The following IL1RAPL1 variants were observed in gnomAD, a reference collection of about 807,000 sequenced individuals.
IL1RAPL1 encodes interleukin-1 receptor accessory protein-like 1.
In IL1RAPL1, 3 loss-of-function variants were observed where a neutral mutation model predicts 48.4. The observed-to-expected ratio is 0.06, with a 90% CI of 0.03 to 0.16. IL1RAPL1 has a LOEUF of 0.16. IL1RAPL1 is among the 10% of genes least tolerant of loss of function. The probability of loss-of-function intolerance (pLI) is 1.00; values close to 1 mark genes in which losing one functional copy is unlikely to be tolerated. For synonymous variants in IL1RAPL1, 185 were observed against 187.7 expected (o/e 0.99, Z 0.12); for missense variants, 349 against 530.6 (o/e 0.66, Z 3.36).
At chrX:28,628,367 A>C (rs1487262603) in intron 1 of IL1RAPL1, among the ~76,000 whole-genome samples, 1 of 112,239 alleles carries the variant, frequency 8.9e-6, no homozygotes, top group Non-Finnish European at 1.9e-5. Flanking sequence ...GTGTGTGGAC[A>C]CAGGGAGGGG....
chrX:29,543,954 C>CA (rs1384094103), intron 5 of IL1RAPL1, among the ~76,000 whole-genome samples: 1 of 111,230 alleles, frequency 9.0e-6, no homozygotes, highest in Non-Finnish European at 1.9e-5. Flanking sequence ...AAATCCACAC[C>CA]AAAAAAAGAT....
At chrX:28,734,075 T>C (rs1468168473) in intron 1 of IL1RAPL1, among the ~76,000 whole-genome samples, 1 of 111,410 alleles carries the variant, frequency 9.0e-6, no homozygotes, top group Non-Finnish European at 1.9e-5. Context: ...GGCTTGACCT[T>C]CACAAGAGAT....
intron 6 of IL1RAPL1, among the ~76,000 whole-genome samples, chrX:29,841,559 G>A (rs2147193699): frequency 9.0e-6 from 1 of 111,567 alleles, no homozygotes; most frequent in East Asian, 2.8e-4. Context: ...CATTCATTGA[G>A]CAACTATTTA....
intron 2 of IL1RAPL1, among the ~76,000 whole-genome samples, chrX:29,218,199 G>A (rs895228606): frequency 5.4e-5 from 6 of 111,759 alleles, no homozygotes; most frequent in Non-Finnish European, 1.1e-4. Flanking sequence ...GCTTTGGTAT[G>A]ATAAGTTTTT....
chrX:28,772,075 G>A (rs1936316368), intron 1 of IL1RAPL1, among the ~76,000 whole-genome samples: 1 of 111,113 alleles, frequency 9.0e-6, no homozygotes, highest in African/African-American at 3.3e-5. Context: ...TGACAACTAT[G>A]GATTAAGAGC....
intron 5 of IL1RAPL1, among the ~76,000 whole-genome samples, chrX:29,442,125 A>G (rs1261086562): frequency 4.5e-5 from 5 of 112,129 alleles, no homozygotes; most frequent in Non-Finnish European, 1.9e-5. Context: ...AAAAAGAACA[A>G]ATCTGGAGGC....
chrX:29,728,424 T>C (rs5927155), intron 6 of IL1RAPL1, among the ~76,000 whole-genome samples: 43,282 of 110,701 alleles, frequency 0.39, 6,071 homozygotes, highest in Admixed American at 0.5. Flanking sequence ...ACTGCAAAAA[T>C]ATTAGTGTGT....
intron 1 of IL1RAPL1, among the ~76,000 whole-genome samples, chrX:28,623,382 G>A (rs747256410): frequency 5.4e-5 from 6 of 111,489 alleles, no homozygotes; most frequent in Non-Finnish European, 1.1e-4. Flanking sequence ...CAAACTCAGG[G>A]AATTTATCGC....
intron 2 of IL1RAPL1, among the ~76,000 whole-genome samples, chrX:29,153,563 C>T (rs1356639622): frequency 8.9e-6 from 1 of 112,070 alleles, no homozygotes; most frequent in Admixed American, 9.5e-5. Context: ...ATGTATATTT[C>T]GTTTTGAAAT....
intron 6 of IL1RAPL1, among the ~76,000 whole-genome samples, chrX:29,809,007 T>C (rs1297826501): frequency 9.0e-6 from 1 of 110,994 alleles, no homozygotes; most frequent in Admixed American, 9.7e-5. Context: ...TCTTTGCTTT[T>C]CAACTGGAAC....
intron 5 of IL1RAPL1, among the ~76,000 whole-genome samples, chrX:29,428,438 A>G (rs1209787340): frequency 9.0e-6 from 1 of 111,418 alleles, no homozygotes; most frequent in African/African-American, 3.3e-5. Context: ...TATGGCTTTC[A>G]TCTGTTGCTG....
At chrX:29,213,709 G>C (rs760207320) in intron 2 of IL1RAPL1, among the ~76,000 whole-genome samples, 3 of 112,427 alleles carry the variant, frequency 2.7e-5, no homozygotes, top group African/African-American at 9.7e-5. Flanking sequence ...TCTTCTGGAG[G>C]CTGTCCTTCC....
At chrX:29,897,096 T>C (rs959932303) in intron 6 of IL1RAPL1, among the ~76,000 whole-genome samples, 3 of 112,217 alleles carry the variant, frequency 2.7e-5, no homozygotes, top group African/African-American at 9.7e-5. Flanking sequence ...TCATTGTGCT[T>C]CATGAAGGTC....
intron 5 of IL1RAPL1, among the ~76,000 whole-genome samples, chrX:29,529,355 G>T (rs1005366273): frequency 1.9e-4 from 21 of 110,871 alleles, no homozygotes; most frequent in African/African-American, 6.5e-4. Flanking sequence ...GCACTTTGGG[G>T]GTCTGAGGTG....
chrX:29,333,090 T>C (rs1448642762), intron 3 of IL1RAPL1, among the ~76,000 whole-genome samples: 1 of 111,750 alleles, frequency 8.9e-6, no homozygotes, highest in Non-Finnish European at 1.9e-5. Flanking sequence ...TCAATTTTTT[T>C]CCCCACCCTT....
chrX:29,955,057 A>T lies in IL1RAPL1; in HGVS notation c.1373-45A>T, dbSNP rs750598039. The T allele has an allele frequency of 3.6e-6, 4 of 1,096,026 alleles. No individual in the cohort carries two copies. In the South Asian group the frequency reaches 7.3e-5, roughly 20 times the overall value. The allele number at this position is 1,096,026 out of a possible 1,213,427, so 90.3% of individuals were successfully genotyped here. On this transcript the variant is annotated intron_variant, in intron 10 of 10. Coordinates refer to ENST00000378993, the MANE Select transcript of IL1RAPL1 (RefSeq NM_014271.4). Reference sequence around the variant, plus strand: ...GAATCTACTAGGACTTTCTGGACCAAATTTTCCATTCACTCATTTTGATGC... The same window carrying T: ...GAATCTACTAGGACTTTCTGGACCATATTTTCCATTCACTCATTTTGATGC...
chrX:29,333,356 G>A (rs1276596455), intron 3 of IL1RAPL1, among the ~76,000 whole-genome samples: 1 of 107,956 alleles, frequency 9.3e-6, no homozygotes, highest in African/African-American at 3.4e-5. Context: ...GGGGCGGCCG[G>A]GCAGAGGCGC....
At chrX:28,990,478 A>G (rs1925577593) in intron 2 of IL1RAPL1, among the ~76,000 whole-genome samples, 1 of 112,125 alleles carries the variant, frequency 8.9e-6, no homozygotes, top group African/African-American at 3.2e-5. Context: ...TTTCAGTGAA[A>G]CAGACAAGTA....
intron 1 of IL1RAPL1, among the ~76,000 whole-genome samples, chrX:28,647,489 T>G (rs1934627298): frequency 8.9e-6 from 1 of 112,084 alleles, no homozygotes; most frequent in Non-Finnish European, 1.9e-5. Context: ...ATATTTAAGT[T>G]TTTGGACCTT....
Sources: gnomAD v4.1 joint callset for allele counts (sites outside exome capture counted in the v4.1 genomes callset) on GRCh38, gnomAD v4.1.1 for gene constraint, MANE v1.5 for transcripts, NCBI Gene and HGNC (gene_info 2026-07-23, HGNC 2026-07-21) for gene names.